The following DIP2A variants were observed in gnomAD, a reference collection of about 807,000 sequenced individuals.
The protein encoded by DIP2A is disco-interacting protein 2 homolog A.
DIP2A carries 85 observed loss-of-function variants against 177.4 expected under a neutral mutation model. The observed-to-expected ratio is 0.48, with a 90% CI of 0.40 to 0.57. The LOEUF is 0.57. DIP2A is among the 20% of genes least tolerant of loss of function. DIP2A has a pLI of 0.00. For synonymous variants in DIP2A, 886 were observed against 881.8 expected, an observed-to-expected ratio of 1.00 and a Z score of -0.08; for missense variants, 1,791 against 2,100.2, an observed-to-expected ratio of 0.85 and a Z score of 2.88.
chr21:46,547,372 G>C (rs115251693), intron 21 of DIP2A, among the ~76,000 whole-genome samples: 1,623 of 152,302 alleles, frequency 0.011, 28 homozygotes, highest in African/African-American at 0.037. Flanking sequence ...ACCTTGGAAT[G>C]TGAATTAAAA....
intron 23 of DIP2A, among the ~76,000 whole-genome samples, chr21:46,551,131 G>A (rs890227218): frequency 1.3e-5 from 2 of 152,200 alleles, no homozygotes; most frequent in Non-Finnish European, 2.9e-5. Flanking sequence ...TGTGGCCTCG[G>A]AAATCTCTCA....
chr21:46,527,726 C>T (rs2059161629), intron 8 of DIP2A, among the ~76,000 whole-genome samples: 2 of 151,970 alleles, frequency 1.3e-5, no homozygotes, highest in Non-Finnish European at 2.9e-5. Context: ...ATTGAGCGCT[C>T]ATTTGCAGGG....
rs775173135 is a variant in DIP2A at position 46,497,052 on chromosome 21, T to G, written c.348T>G (p.Pro116=). ...ACAAAGAGAGGAAGATGCCTATGCC[T>G]TCGAAGAGACGTTCTGTCCTTGTGC... ...AKYKERKMPM[P]SKRRSVLVHS... The change falls in exon 4 of 38, where the codon CCT becomes CCG. Residue 116 remains proline, a synonymous_variant. Transcript: ENST00000417564. 6.2e-7 allele frequency: 1 copy of G among 1,613,846 alleles called. No homozygotes were observed. The highest frequency in any genetic ancestry group is 8.5e-7 in the Non-Finnish European group (1 of 1,179,870).
At chr21:46,549,014 T>A (rs1254831058) in intron 21 of DIP2A, among the ~76,000 whole-genome samples, 6 of 152,170 alleles carry the variant, frequency 3.9e-5, no homozygotes, top group African/African-American at 1.4e-4. Context: ...CACACAGAGG[T>A]CCGTACTGAA....
chr21:46,557,846 C>G lies in DIP2A; in HGVS notation c.3798+93C>G. The G allele has an allele frequency of 6.9e-7, 1 of 1,441,234 alleles. No individual in the cohort carries two copies. Among genetic ancestry groups the G allele is most frequent in the Non-Finnish European group, 9.3e-7 (1 of 1,071,880 alleles). 89.3% of individuals were successfully genotyped at this position (1,441,234 alleles called of 1,614,324 possible). On this transcript the variant is annotated intron_variant, in intron 31 of 37. Coordinates refer to ENST00000417564, the MANE Select transcript of DIP2A (RefSeq NM_015151.4). This position sits in a 1 kb window ranked among gnomAD's most constrained non-coding sequence, Gnocchi z 6.0. ...AAACAAAACAAGACTCCCAAGGCCC[C>G]TCCCTGCAGTTGGAGGAAGTAGAGA...
chr21:46,548,157 G>A (rs2060131057), intron 21 of DIP2A, among the ~76,000 whole-genome samples: 1 of 151,974 alleles, frequency 6.6e-6, no homozygotes, highest in South Asian at 2.1e-4. Flanking sequence ...GCTGGGAAGG[G>A]CAGGCTGTGC....
intron 20 of DIP2A, chr21:46,546,357 C>A: frequency 9.8e-7 from 1 of 1,020,528 alleles, no homozygotes; most frequent in Non-Finnish European, 1.2e-6. Context: ...CCTTCCCTCC[C>A]AGGGGACTTC....
intron 3 of DIP2A, among the ~76,000 whole-genome samples, chr21:46,495,825 G>A (rs1380351276): frequency 3.9e-5 from 6 of 151,984 alleles, no homozygotes; most frequent in Non-Finnish European, 7.4e-5. Flanking sequence ...TATAATCCCA[G>A]CACTTACAGA....
intron 1 of DIP2A, among the ~76,000 whole-genome samples, chr21:46,468,427 A>C: frequency 6.7e-6 from 1 of 150,090 alleles, no homozygotes; most frequent in South Asian, 2.1e-4. Context: ...AAAAAAAAAA[A>C]AGAGAGAAAA....
intron 19 of DIP2A, 35 bp from the exon 20 acceptor site, chr21:46,545,846 C>T (rs755734140): frequency 3.1e-6 from 5 of 1,608,012 alleles, no homozygotes; most frequent in African/African-American, 2.7e-5. Context: ...GTTGGTTGTC[C>T]ACAGCCTGAT....
chr21:46,558,491 C>A, intron 32 of DIP2A, 98 bp downstream of exon 32: 1 of 1,223,864 alleles, frequency 8.2e-7, no homozygotes, highest in East Asian at 2.5e-5. Flanking sequence ...GCCGCCTGAT[C>A]TATTTCTCCT....
chr21:46,539,732 A>G, intron 16 of DIP2A, 145 bp from the exon 17 acceptor site: 1 of 706,852 alleles, frequency 1.4e-6, no homozygotes, highest in Non-Finnish European at 2.6e-6. Context: ...GTCTGAGGGT[A>G]CCTGTGAAGG....
chr21:46,485,603 CA>C (rs2056629617), intron 2 of DIP2A, among the ~76,000 whole-genome samples: 1 of 152,008 alleles, frequency 6.6e-6, no homozygotes, highest in South Asian at 2.1e-4. Flanking sequence ...GTTGCCATCT[CA>C]AGATAGGAAG....
intron 21 of DIP2A, 74 bp downstream of exon 21, chr21:46,547,116 T>C: frequency 6.4e-7 from 1 of 1,562,348 alleles, no homozygotes; most frequent in Non-Finnish European, 8.7e-7. Context: ...GTGCAGTAGA[T>C]GGAAAGCCCA....
intron 1 of DIP2A, among the ~76,000 whole-genome samples, chr21:46,468,496 A>T (rs982045712): frequency 1.6e-4 from 24 of 151,890 alleles, no homozygotes; most frequent in African/African-American, 5.6e-4. Flanking sequence ...AAATAGTCAG[A>T]CTCATAGAAG....
intron 2 of DIP2A, among the ~76,000 whole-genome samples, chr21:46,485,725 G>A (rs2056637305): frequency 6.6e-6 from 1 of 151,960 alleles, no homozygotes; most frequent in Non-Finnish European, 1.5e-5. Context: ...ATCATAAAGA[G>A]ATTGCAAAGA....
At chr21:46,477,564 T>TGTGTGTGTGTGTGTGTGTGTGTGG (rs2055984103) in intron 1 of DIP2A, among the ~76,000 whole-genome samples, 1 of 135,498 alleles carries the variant, frequency 7.4e-6, no homozygotes, top group Non-Finnish European at 1.6e-5. Context: ...TGTGTGTGTG[T>TGTGTGTGTGTGTGTGTGTGTGTGG]GTGTATTTCT....
At position 46,537,372 on chromosome 21, in the gene DIP2A, G is replaced by A. The variant is rs1005105106; in HGVS notation, c.1708-74G>A. 6.2e-7 allele frequency: 1 copy of A among 1,609,610 alleles called. No homozygotes were observed. The highest frequency in any genetic ancestry group is 8.5e-7 in the Non-Finnish European group (1 of 1,175,924). ...CTCTGCCTGAAATGTTGTTGGGAGAGTACATCGGTTTTGTTTTGCTTTTTC... is the reference window on the plus strand; with the variant it reads ...CTCTGCCTGAAATGTTGTTGGGAGAATACATCGGTTTTGTTTTGCTTTTTC... On this transcript the variant is annotated intron_variant, in intron 14 of 37. Transcript: ENST00000417564. This position sits in a 1 kb window ranked among gnomAD's most constrained non-coding sequence, Gnocchi z 4.1.
In DIP2A at chr21:46,459,161, G is replaced by C; in HGVS notation, c.30G>C (p.Ala10=). Residue 10 remains alanine, a synonymous_variant, in exon 1 of 38, where the codon GCG becomes GCC. Transcript: ENST00000417564. ...CTGACCGCGGGTGCCCGCTGGAGGC[G>C]GCGCCGCTGCCTGCCGAGGTGCGGG... MADRGCPLE[A]APLPAEVRES... is the part of the protein sequence containing the mutation. The C allele has an allele frequency of 6.6e-7, 1 of 1,519,312 alleles. No homozygotes were observed. Among genetic ancestry groups the C allele is most frequent in the Non-Finnish European group, 8.8e-7 (1 of 1,134,428 alleles). The allele number at this position is 1,519,312 out of a possible 1,614,324, so 94.1% of individuals were successfully genotyped here. A position where few individuals can be genotyped will look rare whatever the true frequency, so the allele number is the denominator to read the frequency against.
Sources: allele counts gnomAD v4.1 joint callset (sites outside exome capture counted in the v4.1 genomes callset), GRCh38; gene constraint gnomAD v4.1.1; non-coding constraint Gnocchi (gnomAD v3.1); transcripts MANE v1.5; gene names NCBI Gene and HGNC (gene_info 2026-07-23, HGNC 2026-07-21).